Variants in DCDC1 observed in about 807,000 individuals in gnomAD.
DCDC1 encodes doublecortin domain containing 1.
Under a neutral mutation model 178.3 loss-of-function variants are expected in DCDC1, and 200 were observed. The observed-to-expected ratio is 1.12, with a 90% CI of 1.00 to 1.26. The LOEUF is 1.26. Among genes scored for constraint, DCDC1 ranks in the 50% most tolerant of loss-of-function variants. The pLI is 0.00. For synonymous variants in DCDC1, 690 were observed against 604.8 expected (o/e 1.14, Z -2.07); for missense variants, 1,983 against 1,749.2 (o/e 1.13, Z -2.38).
chr11:30,923,278 T>G (rs1946371768), intron 23 of DCDC1, among the ~76,000 whole-genome samples: 1 of 152,124 alleles, frequency 6.6e-6, no homozygotes, highest in Non-Finnish European at 1.5e-5. Context: ...ATATCTACTA[T>G]CTCATTCTTT....
intron 20 of DCDC1, among the ~76,000 whole-genome samples, chr11:31,006,713 C>T (rs1218459380): frequency 3.3e-5 from 5 of 152,144 alleles, no homozygotes; most frequent in Admixed American, 6.5e-5. Context: ...AATAAATATT[C>T]GCTCTAACTA....
At chr11:31,016,963 C>T (rs1442197894) in intron 20 of DCDC1, among the ~76,000 whole-genome samples, 3 of 152,182 alleles carry the variant, frequency 2.0e-5, no homozygotes, top group Non-Finnish European at 4.4e-5. Flanking sequence ...TGCTGTAAAA[C>T]TTAGACTTTA....
chr11:30,923,847 G>A (rs1946424103), intron 23 of DCDC1, among the ~76,000 whole-genome samples: 1 of 151,978 alleles, frequency 6.6e-6, no homozygotes, highest in Admixed American at 6.6e-5. Context: ...GAACTCTTAA[G>A]CTCAGGTGAT....
intron 27 of DCDC1, among the ~76,000 whole-genome samples, chr11:30,915,217 T>C (rs897772215): frequency 1.3e-5 from 2 of 152,166 alleles, no homozygotes; most frequent in East Asian, 1.9e-4. Context: ...AAAAATGACA[T>C]TGATGCAAGT....
intron 17 of DCDC1, among the ~76,000 whole-genome samples, chr11:31,085,455 C>A (rs1010835761): frequency 2.0e-5 from 3 of 152,076 alleles, no homozygotes; most frequent in Non-Finnish European, 4.4e-5. Flanking sequence ...CATTAGTTAG[C>A]ATTTTCTAAA....
intron 8 of DCDC1, among the ~76,000 whole-genome samples, chr11:31,245,221 T>C (rs550186969): frequency 2.0e-4 from 30 of 151,562 alleles, no homozygotes; most frequent in Admixed American, 1.6e-3. Context: ...CTTATTGATT[T>C]GTATTAGTCC....
intron 11 of DCDC1, among the ~76,000 whole-genome samples, chr11:31,116,715 A>G (rs2135851105): frequency 6.6e-6 from 1 of 152,242 alleles, no homozygotes; most frequent in East Asian, 1.9e-4. Flanking sequence ...ACTATATAAG[A>G]AAAAGTGTTT....
At chr11:31,199,397 C>T (rs1033148855) in intron 9 of DCDC1, among the ~76,000 whole-genome samples, 1 of 152,038 alleles carries the variant, frequency 6.6e-6, no homozygotes, top group Non-Finnish European at 1.5e-5. Context: ...CTTAAGAATC[C>T]TGGCCAAAAA....
intron 34 of DCDC1, among the ~76,000 whole-genome samples, chr11:30,896,352 T>C (rs1162118331): frequency 6.6e-6 from 1 of 152,182 alleles, no homozygotes; most frequent in Non-Finnish European, 1.5e-5. Flanking sequence ...GCTCCACTGA[T>C]ATTGCAGATT....
chr11:30,953,530 A>C (rs554957641), intron 20 of DCDC1, among the ~76,000 whole-genome samples: 2 of 152,130 alleles, frequency 1.3e-5, no homozygotes, highest in Admixed American at 1.3e-4. Context: ...TAAAGCATTC[A>C]ACTCAAATTA....
At chr11:30,879,755 T>C (rs1004678138) in intron 37 of DCDC1, among the ~76,000 whole-genome samples, 2 of 152,204 alleles carry the variant, frequency 1.3e-5, no homozygotes, top group African/African-American at 2.4e-5. Flanking sequence ...ACAGTTTTTA[T>C]TGTTGACAAG....
chr11:31,015,833 G>A (rs1299790468), intron 20 of DCDC1, among the ~76,000 whole-genome samples: 2 of 152,124 alleles, frequency 1.3e-5, no homozygotes, highest in Non-Finnish European at 2.9e-5. Context: ...CTGTGTAAAG[G>A]GCCCGAGTGG....
At chr11:31,002,204 T>G (rs561357626) in intron 20 of DCDC1, among the ~76,000 whole-genome samples, 31 of 152,276 alleles carry the variant, frequency 2.0e-4, no homozygotes, top group African/African-American at 7.5e-4. Flanking sequence ...GTAGTATAAT[T>G]TGGGAGGGAA....
At chr11:31,037,532 CG>C (rs1488210408) in intron 20 of DCDC1, among the ~76,000 whole-genome samples, 2 of 150,934 alleles carry the variant, frequency 1.3e-5, no homozygotes, top group Non-Finnish European at 2.9e-5. Flanking sequence ...TCCCGGGATA[CG>C]CCATTCTCCT....
intron 20 of DCDC1, among the ~76,000 whole-genome samples, chr11:30,999,435 A>T (rs1408210961): frequency 6.6e-6 from 1 of 152,240 alleles, no homozygotes; most frequent in Non-Finnish European, 1.5e-5. Flanking sequence ...ATGAAAAAAT[A>T]GTAAAAGCCT....
At chr11:31,275,255 G>A (rs978945532) in intron 7 of DCDC1, among the ~76,000 whole-genome samples, 1 of 152,122 alleles carries the variant, frequency 6.6e-6, no homozygotes, top group African/African-American at 2.4e-5. Context: ...TGTAAAGTAT[G>A]CATAATTCCA....
At chr11:31,185,875 G>A (rs1282788843) in intron 9 of DCDC1, among the ~76,000 whole-genome samples, 1 of 152,126 alleles carries the variant, frequency 6.6e-6, no homozygotes, top group Admixed American at 6.5e-5. Context: ...AAGCTTCAAG[G>A]GACAACCATC....
intron 20 of DCDC1, among the ~76,000 whole-genome samples, chr11:31,014,366 G>A (rs776852813): frequency 6.6e-6 from 1 of 151,952 alleles, no homozygotes; most frequent in Admixed American, 6.6e-5. Flanking sequence ...TCAAATGGCT[G>A]TTGTCTCCTG....
intron 7 of DCDC1, among the ~76,000 whole-genome samples, chr11:31,287,299 T>C (rs191550707): frequency 5.9e-4 from 89 of 151,798 alleles, no homozygotes; most frequent in African/African-American, 2.0e-3. Context: ...AAAATATTCA[T>C]TGGGTTGAGA....
Sources: allele counts gnomAD v4.1 joint callset (sites outside exome capture counted in the v4.1 genomes callset), GRCh38; gene constraint gnomAD v4.1.1; transcripts MANE v1.5; gene names NCBI Gene and HGNC (gene_info 2026-07-23, HGNC 2026-07-21).